Variants in ASPHD1 observed in about 807,000 individuals in gnomAD.
The protein encoded by ASPHD1 is aspartate beta-hydroxylase domain-containing protein 1.
A neutral mutation model predicts 28.3 loss-of-function variants in ASPHD1; 20 were observed. The ratio of observed to expected loss-of-function variants is 0.71; its 90% CI spans 0.50 to 1.03. The LOEUF (loss-of-function observed/expected upper bound fraction) is 1.03. Ranked by LOEUF, ASPHD1 falls within the 50% of genes least tolerant of loss-of-function variation. The probability of loss-of-function intolerance (pLI) is 0.00; values close to 1 mark genes in which losing one functional copy is unlikely to be tolerated. For synonymous variants in ASPHD1, 240 were observed against 221.2 expected (o/e 1.08, Z -0.75); for missense variants, 479 against 524.1 (o/e 0.91, Z 0.84).
At chr16:29,913,819 G>C (rs2068759897) in intron 3 of ASPHD1, 1 of 152,468 alleles carries the variant, frequency 6.6e-6, no homozygotes, top group South Asian at 2.1e-4. Context: ...AGAGGGCAAG[G>C]TGGAAGCCTC....
Position 29,900,675 on chromosome 16 carries a change from C to G in ASPHD1, c.-297C>G, listed in dbSNP as rs2068527865. On this transcript the variant is annotated 5_prime_UTR_variant, in exon 1 of 3. Coordinates refer to ENST00000308748, the MANE Select transcript of ASPHD1 (RefSeq NM_181718.4). ...GAGGGCAAGGAGAGAGCAGTGAGGC[C>G]GGAGAGAAAGAAGCTGCCGCGGAGG... is the stretch of plus-strand genomic sequence containing the variant. The G allele has an allele frequency of 2.0e-6, 1 of 507,160 alleles. No homozygotes were observed. The highest frequency in any genetic ancestry group is 2.0e-5 in the African/African-American group (1 of 51,262). 31.4% of individuals were successfully genotyped at this position (507,160 alleles called of 1,614,324 possible).
At chr16:29,917,994 G>A (rs765101290) in intron 3 of ASPHD1, among the ~76,000 whole-genome samples, 1 of 152,000 alleles carries the variant, frequency 6.6e-6, no homozygotes. Flanking sequence ...CAGAAAATCA[G>A]AAAAACATTT....
intron 3 of ASPHD1, among the ~76,000 whole-genome samples, chr16:29,918,808 C>G (rs976481588): frequency 6.6e-6 from 1 of 152,180 alleles, no homozygotes; most frequent in East Asian, 1.9e-4. Flanking sequence ...CAGATGCCCA[C>G]CACCAGGCCT....
At chr16:29,917,492 C>T (rs528351744) in intron 3 of ASPHD1, among the ~76,000 whole-genome samples, 21 of 151,988 alleles carry the variant, frequency 1.4e-4, no homozygotes, top group South Asian at 4.2e-4. Flanking sequence ...ACAAAAAATA[C>T]AAAAATTAGA....
At chr16:29,904,307 G>A (rs1045840631) in intron 1 of ASPHD1, among the ~76,000 whole-genome samples, 51 of 151,778 alleles carry the variant, frequency 3.4e-4, no homozygotes, top group African/African-American at 8.5e-4. Context: ...TTAGCCAGGC[G>A]TGGTGGCAGG....
chr16:29,905,083 C>T, intron 2 of ASPHD1, 118 bp downstream of exon 2: 1 of 699,388 alleles, frequency 1.4e-6, no homozygotes, highest in African/African-American at 1.8e-5. Context: ...CATCTTCCAG[C>T]TGCATGACCT....
intron 1 of ASPHD1, among the ~76,000 whole-genome samples, chr16:29,903,803 C>T (rs1483746119): frequency 6.6e-6 from 1 of 152,186 alleles, no homozygotes; most frequent in Admixed American, 6.5e-5. Flanking sequence ...GCCACACTTC[C>T]TCTGGGTTGG....
chr16:29,911,720 A>T, intron 3 of ASPHD1: 1 of 1,337,842 alleles, frequency 7.5e-7, no homozygotes, highest in Non-Finnish European at 1.1e-6. Flanking sequence ...ATGTTCTTGT[A>T]GGCCCCCCGT....
intron 3 of ASPHD1, chr16:29,913,377 G>A (rs1177650536): frequency 2.0e-5 from 3 of 152,260 alleles, no homozygotes; most frequent in Non-Finnish European, 4.4e-5. Flanking sequence ...ACAACAGAGC[G>A]ATCAGAAACA....
Position 29,901,564 on chromosome 16 carries a change from C to T in ASPHD1, c.593C>T (p.Ala198Val), listed in dbSNP as rs780796571. ...GLLFLPDLPS[A>V]PFVPRDAQRH... Reference sequence around the variant, plus strand: ...CTTTTCCTACCAGACCTGCCTTCAGCCCCCTTTGTGCCGCGGGACGCCCAG... The same window carrying T: ...CTTTTCCTACCAGACCTGCCTTCAGTCCCCTTTGTGCCGCGGGACGCCCAG... Residue 198 changes from alanine (A) to valine (V), a missense_variant, in exon 1 of 3, where the codon GCC (alanine) becomes GTC (valine). Ala to Val is a moderately conservative substitution (Grantham distance 64). Coordinates refer to ENST00000308748, the MANE Select transcript of ASPHD1 (RefSeq NM_181718.4). The surrounding 1 kb of genome is among the most constrained non-coding windows in gnomAD (Gnocchi z 5.1). 1.3e-6 allele frequency: 2 copies of T among 1,550,294 alleles called. No homozygotes were observed. Among genetic ancestry groups the T allele is most frequent in the East Asian group, 4.5e-5 (2 of 44,390 alleles).
At chr16:29,905,629 GAAAAAA>G (rs770029376) in intron 2 of ASPHD1, among the ~76,000 whole-genome samples, 153 bp from the exon 3 acceptor site, 5 of 49,766 alleles carry the variant, frequency 1.0e-4, no homozygotes, top group African/African-American at 3.0e-4. Flanking sequence ...TCCATCTCAG[GAAAAAA>G]AAAAAAAAAA....
In ASPHD1 at chr16:29,919,165, G is replaced by A. The variant is rs182880418; in HGVS notation, c.*63-366G>A. Among the ~76,000 whole-genome samples the A allele has an allele frequency of 1.3e-3, 195 of 152,306 alleles. 1 individual carries two copies. Among genetic ancestry groups the A allele is most frequent in the African/African-American group, 4.5e-3 (186 of 41,576 alleles). ...GATAAGGCTGGGTAATAAACCAAACGATACCGGGAGTAAACAACCAGGCAA... is the reference window on the plus strand; with the variant it reads ...GATAAGGCTGGGTAATAAACCAAACAATACCGGGAGTAAACAACCAGGCAA... On this transcript the variant is annotated intron_variant and NMD_transcript_variant, in intron 3 of 3. Transcript: ENST00000414952.
At chr16:29,909,765 T>C (rs2150833529), downstream of ASPHD1, among the ~76,000 whole-genome samples, 1 of 151,702 alleles carries the variant, frequency 6.6e-6, no homozygotes, top group South Asian at 2.1e-4. Context: ...CATAGCTCCC[T>C]GCTGCCTCAA....
chr16:29,902,640 TG>T (rs2068563528), intron 1 of ASPHD1, among the ~76,000 whole-genome samples: 2 of 151,728 alleles, frequency 1.3e-5, no homozygotes, highest in Non-Finnish European at 2.9e-5. Context: ...CCCGAGTATC[TG>T]GGACTACAGG....
Position 29,901,042 on chromosome 16 carries a change from G to C in ASPHD1, c.71G>C (p.Gly24Ala), listed in dbSNP as rs372770612. Residue 24 changes from glycine (G) to alanine (A), a missense_variant, in exon 1 of 3, where the codon GGA (glycine) becomes GCA (alanine). Transcript: ENST00000308748. The surrounding 1 kb of genome is among the most constrained non-coding windows in gnomAD (Gnocchi z 5.1). The part of the protein sequence containing the change: ...PRKERETAQS[G>A]MWKGNSPAGS... ...AAGGAGAGAGAGACAGCCCAGAGTG[G>C]AATGTGGAAGGGAAACAGTCCAGCG... 9.4e-6 allele frequency: 15 copies of C among 1,593,812 alleles called. No homozygotes were observed. The highest frequency in any genetic ancestry group is 1.8e-5 in the Admixed American group (1 of 56,310).
chr16:29,905,455 G>A lies in ASPHD1; in HGVS notation c.1064-333G>A, dbSNP rs145633009. On this transcript the variant is annotated intron_variant, in intron 2 of 2. Coordinates refer to ENST00000308748, the MANE Select transcript of ASPHD1 (RefSeq NM_181718.4). ...AGCCTGGCCAACATGGTGAAACCCC[G>A]TCTCTATTAAACATACAAAGAAATT... Among the ~76,000 whole-genome samples, 66 of 151,806 alleles carry A rather than the reference G, an allele frequency of 4.3e-4. No individual in the cohort carries two copies. The Middle Eastern group carries it at 0.017, about 39-fold the overall frequency.
intron 3 of ASPHD1, among the ~76,000 whole-genome samples, chr16:29,916,900 G>A (rs1597022965): frequency 1.3e-5 from 2 of 152,158 alleles, no homozygotes; most frequent in East Asian, 1.9e-4. Flanking sequence ...CTATGGCGGG[G>A]AGTCTGTGCT....
At chr16:29,911,297 G>A (rs117594597) in intron 3 of ASPHD1, 4 of 749,858 alleles carry the variant, frequency 5.3e-6, no homozygotes. Flanking sequence ...GCTCAACAGA[G>A]AGCCTCCTCC....
intron 2 of ASPHD1, 96 bp from the exon 3 acceptor site, chr16:29,905,692 C>A: frequency 4.6e-6 from 3 of 652,888 alleles, no homozygotes; most frequent in Non-Finnish European, 8.2e-6. Flanking sequence ...AGGCCTGCCA[C>A]TTATTTACTG....
Sources: allele counts gnomAD v4.1 joint callset (sites outside exome capture counted in the v4.1 genomes callset), GRCh38; gene constraint gnomAD v4.1.1; non-coding constraint Gnocchi (gnomAD v3.1); transcripts MANE v1.5; gene names NCBI Gene and HGNC (gene_info 2026-07-23, HGNC 2026-07-21).